The following GNB1L variants were observed in gnomAD, a reference collection of about 807,000 sequenced individuals.
The protein encoded by GNB1L is G protein subunit beta 1 like.
In GNB1L, 20 loss-of-function variants were observed where a neutral mutation model predicts 29.1. The observed-to-expected ratio is 0.69, with a 90% confidence interval of 0.48 to 1.00. GNB1L has a LOEUF of 1.00. Among genes scored for constraint, GNB1L ranks in the 50% least tolerant of loss-of-function variants. GNB1L has a pLI of 0.00. For missense variants in GNB1L, 421 were observed against 464.9 expected, an observed-to-expected ratio of 0.91 and a Z score of 0.87; for synonymous variants, 193 against 206.5, an observed-to-expected ratio of 0.93 and a Z score of 0.56.
chr22:19,802,685 C>T (rs1211702958), intron 6 of GNB1L, among the ~76,000 whole-genome samples: 2 of 152,250 alleles, frequency 1.3e-5, no homozygotes, highest in African/African-American at 4.8e-5. Context: ...CTTACTGGGG[C>T]TGGTCACCTG....
chr22:19,806,004 A>G (rs897143301), intron 6 of GNB1L, among the ~76,000 whole-genome samples: 1 of 152,158 alleles, frequency 6.6e-6, no homozygotes, highest in Admixed American at 6.5e-5. Flanking sequence ...CTGAAGGGTG[A>G]TGAGGGAGGA....
chr22:19,820,913 G>A (rs868112038), intron 3 of GNB1L, among the ~76,000 whole-genome samples, 190 bp from the exon 4 acceptor site: 5 of 152,192 alleles, frequency 3.3e-5, no homozygotes, highest in Non-Finnish European at 7.4e-5. Flanking sequence ...AGAGGGGACC[G>A]GGGGACCCTC....
intron 2 of GNB1L, chr22:19,849,180 G>A: frequency 1.0e-6 from 1 of 985,252 alleles, no homozygotes; most frequent in South Asian, 4.7e-5. Flanking sequence ...TTGCTACCAG[G>A]GCTATACCTG....
chr22:19,829,258 G>A (rs895792171), intron 2 of GNB1L, among the ~76,000 whole-genome samples: 1 of 152,194 alleles, frequency 6.6e-6, no homozygotes, highest in Non-Finnish European at 1.5e-5. Context: ...TCTCATAACA[G>A]AGCCTACCTC....
intron 2 of GNB1L, among the ~76,000 whole-genome samples, chr22:19,829,320 C>A (rs1569050296): frequency 6.6e-6 from 1 of 151,904 alleles, no homozygotes; most frequent in African/African-American, 2.4e-5. Context: ...TATATTGGGT[C>A]ACAAAGAAAT....
intron 5 of GNB1L, among the ~76,000 whole-genome samples, chr22:19,809,974 C>A (rs1377168481): frequency 2.0e-5 from 3 of 152,192 alleles, no homozygotes; most frequent in Non-Finnish European, 2.9e-5. Context: ...CACTGTGTTG[C>A]CCAGGCTGGT....
chr22:19,851,770 C>A, intron 2 of GNB1L: 1 of 1,612,728 alleles, frequency 6.2e-7, no homozygotes, highest in Non-Finnish European at 8.5e-7. Context: ...AATCGTCAGG[C>A]AGGGGCAGGT....
rs771997569 is a variant in GNB1L at position 19,788,961 on chromosome 22, C to G, written c.733-1G>C. The G allele has an allele frequency of 5.0e-6, 8 of 1,597,682 alleles. No individual in the cohort carries two copies. The Admixed American group carries it at 1.3e-4, about 27-fold the overall frequency. On this transcript the variant is annotated splice_acceptor_variant, in intron 7 of 7. Transcript: ENST00000329517. LOFTEE classifies it high-confidence loss of function. Reference sequence around the variant, plus strand: ...TGGTGAGTTCATGAGTCCCACGCACCTGTGAGAGTTGGGAGAGGTGTTAGG... The same window carrying G: ...TGGTGAGTTCATGAGTCCCACGCACGTGTGAGAGTTGGGAGAGGTGTTAGG...
intron 2 of GNB1L, among the ~76,000 whole-genome samples, chr22:19,831,823 GA>G (rs962899465): frequency 3.4e-4 from 52 of 151,686 alleles, no homozygotes; most frequent in African/African-American, 1.2e-3. Flanking sequence ...AAACTCAATA[GA>G]AAAATGGGAA....
intron 2 of GNB1L, 123 bp from the exon 3 acceptor site, chr22:19,821,498 CCTGGGAGAGAGGTGCCACTG>C (rs2145882480): frequency 1.0e-6 from 1 of 969,662 alleles, no homozygotes; most frequent in East Asian, 2.5e-5. Context: ...CTGTGCCCCT[CCTGGGAGAGAGGTGCCACTG>C]CTCCCCAGAC....
chr22:19,826,520 G>A (rs754547790), intron 2 of GNB1L, among the ~76,000 whole-genome samples: 5 of 152,290 alleles, frequency 3.3e-5, no homozygotes, highest in Admixed American at 6.5e-5. Flanking sequence ...GGTGCTTAAC[G>A]CTCTTAAAGA....
At chr22:19,815,043 A>C (rs188020298) in intron 4 of GNB1L, among the ~76,000 whole-genome samples, 23 of 152,222 alleles carry the variant, frequency 1.5e-4, no homozygotes, top group Admixed American at 1.2e-3. Context: ...CTCAAAAAAA[A>C]AAAAAAGACC....
intron 2 of GNB1L, among the ~76,000 whole-genome samples, chr22:19,825,131 C>T (rs1937609935): frequency 6.6e-6 from 1 of 152,254 alleles, no homozygotes; most frequent in African/African-American, 2.4e-5. Context: ...GCCGCACAGG[C>T]CGCTGGGAGT....
chr22:19,820,016 A>AGGGACTC (rs1569046857), intron 4 of GNB1L, among the ~76,000 whole-genome samples: 2 of 152,128 alleles, frequency 1.3e-5, no homozygotes, highest in Non-Finnish European at 2.9e-5. Flanking sequence ...AGTCAGGTGC[A>AGGGACTC]TTGTCATAAC....
chr22:19,815,266 A>T (rs905315496), intron 4 of GNB1L, among the ~76,000 whole-genome samples: 3 of 152,246 alleles, frequency 2.0e-5, no homozygotes, highest in Non-Finnish European at 4.4e-5. Context: ...CCCACGCCAC[A>T]GAGAATTCAG....
At chr22:19,793,345 T>A (rs572565375) in intron 7 of GNB1L, among the ~76,000 whole-genome samples, 1 of 152,240 alleles carries the variant, frequency 6.6e-6, no homozygotes, top group Admixed American at 6.5e-5. Flanking sequence ...AAATATATAT[T>A]TTTTAAAGTC....
chr22:19,844,743 T>C (rs1236978606), intron 2 of GNB1L, among the ~76,000 whole-genome samples: 1 of 152,194 alleles, frequency 6.6e-6, no homozygotes, highest in African/African-American at 2.4e-5. Flanking sequence ...TTGGACATTG[T>C]TAGCCAGCCT....
chr22:19,827,100 G>A (rs1937625345), intron 2 of GNB1L, among the ~76,000 whole-genome samples: 1 of 152,166 alleles, frequency 6.6e-6, no homozygotes, highest in African/African-American at 2.4e-5. Context: ...GGGGATCTTT[G>A]TGGGTAATCT....
At chr22:19,790,691 G>T (rs1185240565) in intron 7 of GNB1L, among the ~76,000 whole-genome samples, 1 of 151,782 alleles carries the variant, frequency 6.6e-6, no homozygotes, top group Non-Finnish European at 1.5e-5. Flanking sequence ...AAACATTACA[G>T]ATTAGCCAGG....
Sources: gnomAD v4.1 joint callset for allele counts (sites outside exome capture counted in the v4.1 genomes callset) on GRCh38, gnomAD v4.1.1 for gene constraint, MANE v1.5 for transcripts, NCBI Gene and HGNC (gene_info 2026-07-23, HGNC 2026-07-21) for gene names.